The following PARD3B variants were observed in gnomAD, a reference collection of about 807,000 sequenced individuals.
The protein encoded by PARD3B is partitioning defective 3 homolog B.
PARD3B carries 103 observed loss-of-function variants against 130.2 expected under a neutral mutation model. The observed-to-expected ratio is 0.79, with a 90% CI of 0.67 to 0.93. The LOEUF is 0.93. Ranked by LOEUF, PARD3B falls within the 40% of genes least tolerant of loss-of-function variation. PARD3B has a pLI of 0.00. For synonymous variants in PARD3B, 583 were observed against 553.2 expected (o/e 1.05, Z -0.76); for missense variants, 1,609 against 1,499.2 (o/e 1.07, Z -1.21).
At position 205,253,566 on chromosome 2, in the gene PARD3B, C is replaced by A; in HGVS notation, c.2185+7744C>A. 1 of 478,076 alleles carries A rather than the reference C, an allele frequency of 2.1e-6. No individual in the cohort carries two copies. The highest frequency in any genetic ancestry group is 1.6e-5 in the South Asian group (1 of 60,778). 29.6% of individuals were successfully genotyped at this position (478,076 alleles called of 1,614,324 possible). The stretch of plus-strand genomic sequence containing the variant: ...CACAGCCTGGAGCCTCCCCTGCCTC[C>A]TCTGCCTCTTCAGAGCCCAGCAGAA... On this transcript the variant is annotated intron_variant, in intron 16 of 22. Coordinates refer to ENST00000406610, the MANE Select transcript of PARD3B (RefSeq NM_001302769.2). This position sits in a 1 kb window ranked among gnomAD's most constrained non-coding sequence, Gnocchi z 4.4.
intron 10 of PARD3B, among the ~76,000 whole-genome samples, chr2:205,155,258 T>G (rs975979418): frequency 1.3e-5 from 2 of 152,128 alleles, no homozygotes; most frequent in Non-Finnish European, 2.9e-5. Context: ...GTGTCTGCGG[T>G]GTAGATCCAT....
At chr2:204,855,410 C>T (rs1176825362) in intron 2 of PARD3B, among the ~76,000 whole-genome samples, 2 of 151,600 alleles carry the variant, frequency 1.3e-5, no homozygotes, top group African/African-American at 2.4e-5. Context: ...GGTGTGGTAG[C>T]GTGTACCTGT....
intron 2 of PARD3B, among the ~76,000 whole-genome samples, chr2:204,880,995 A>G (rs2046024929): frequency 6.6e-6 from 1 of 152,238 alleles, no homozygotes; most frequent in Non-Finnish European, 1.5e-5. Context: ...CAAGATCACT[A>G]GAATTACCTG....
chr2:205,506,834 A>G (rs1346381550), intron 21 of PARD3B, among the ~76,000 whole-genome samples: 1 of 152,236 alleles, frequency 6.6e-6, no homozygotes, highest in African/African-American at 2.4e-5. Context: ...ACAGAGACCT[A>G]AATCAAACTG....
At chr2:204,667,160 T>G (rs1172332727) in intron 1 of PARD3B, among the ~76,000 whole-genome samples, 1 of 152,128 alleles carries the variant, frequency 6.6e-6, no homozygotes, top group Admixed American at 6.5e-5. Context: ...GGAGTGGTCT[T>G]AAAATTACTG....
chr2:205,050,932 G>T (rs1699147971), intron 4 of PARD3B, among the ~76,000 whole-genome samples: 1 of 152,006 alleles, frequency 6.6e-6, no homozygotes, highest in Non-Finnish European at 1.5e-5. Context: ...CCGTTGTTCT[G>T]GCATAATTAT....
intron 2 of PARD3B, among the ~76,000 whole-genome samples, chr2:204,898,867 T>C (rs769856325): frequency 5.3e-5 from 8 of 152,216 alleles, no homozygotes; most frequent in Non-Finnish European, 1.0e-4. Flanking sequence ...TTTATCATTA[T>C]ATAATGACCT....
intron 1 of PARD3B, among the ~76,000 whole-genome samples, chr2:204,565,432 G>T (rs965050798): frequency 6.6e-6 from 1 of 152,128 alleles, no homozygotes; most frequent in African/African-American, 2.4e-5. Flanking sequence ...TTGTATTCCT[G>T]TGTGATTTAA....
At chr2:204,658,202 TA>T (rs779265493) in intron 1 of PARD3B, among the ~76,000 whole-genome samples, 22 of 151,034 alleles carry the variant, frequency 1.5e-4, no homozygotes, top group South Asian at 2.1e-4. Context: ...GACTAAAAGT[TA>T]AAAAAAAAAT....
In PARD3B at chr2:205,300,467, C is replaced by A. The variant is rs550342991; in HGVS notation, c.2186-63C>A. The A allele has an allele frequency of 2.3e-5, 32 of 1,419,486 alleles. No homozygotes were observed. In the African/African-American group the frequency reaches 2.5e-4, roughly 11 times the overall value. The allele number at this position is 1,419,486 out of a possible 1,614,324, so 87.9% of individuals were successfully genotyped here. On this transcript the variant is annotated intron_variant, in intron 16 of 22. Transcript: ENST00000406610. The surrounding 1 kb of genome is among the most constrained non-coding windows in gnomAD (Gnocchi z 4.1). ...TGTCCAGACAGAAATATTCTTAGAA[C>A]AATAGCATTACACCACACTGCCCCA...
Position 205,104,429 on chromosome 2 carries a change from TC to T in PARD3B, c.510del (p.Thr171ArgfsTer10). On this transcript the variant is annotated frameshift_variant, in exon 5 of 23. Coordinates refer to ENST00000406610, the MANE Select transcript of PARD3B (RefSeq NM_001302769.2). LOFTEE classifies it high-confidence loss of function. ...GQSLKLVVPD[S>X]TQNLEDREVL... is the part of the protein sequence containing the mutation. ...TTATGACTTTGTTTCACTATAGGAT[TC>T]CACGCAGAACTTGGAAGACAGAGAA... 6.3e-7 allele frequency: 1 copy of T among 1,591,784 alleles called. No homozygotes were observed. The highest frequency in any genetic ancestry group is 8.6e-7 in the Non-Finnish European group (1 of 1,160,066).
At chr2:204,880,007 G>A (rs764559966) in intron 2 of PARD3B, among the ~76,000 whole-genome samples, 2 of 152,146 alleles carry the variant, frequency 1.3e-5, no homozygotes, top group African/African-American at 4.8e-5. Flanking sequence ...TTTATTAAGT[G>A]TGAAATAGCT....
chr2:205,583,935 G>T (rs1027582221), intron 22 of PARD3B, among the ~76,000 whole-genome samples: 16 of 152,262 alleles, frequency 1.1e-4, no homozygotes, highest in African/African-American at 3.9e-4. Context: ...GAAAGGAAGG[G>T]GAGGATTTTA....
At chr2:205,587,604 T>G (rs1224902677) in intron 22 of PARD3B, among the ~76,000 whole-genome samples, 4 of 152,224 alleles carry the variant, frequency 2.6e-5, no homozygotes, top group Non-Finnish European at 4.4e-5. Context: ...GGCTTTCCCT[T>G]TCCCTAATGT....
intron 1 of PARD3B, among the ~76,000 whole-genome samples, chr2:204,651,161 C>G (rs1191086194): frequency 6.6e-6 from 1 of 152,146 alleles, no homozygotes. Flanking sequence ...TCCCAATAGT[C>G]CCCCAAAGTC....
chr2:205,600,134 A>G (rs979625062), intron 22 of PARD3B, among the ~76,000 whole-genome samples: 1 of 152,206 alleles, frequency 6.6e-6, no homozygotes. Flanking sequence ...GGAATGGTCC[A>G]TTGGAAAAGG....
At chr2:204,595,519 G>A (rs535629181) in intron 1 of PARD3B, among the ~76,000 whole-genome samples, 1 of 152,306 alleles carries the variant, frequency 6.6e-6, no homozygotes, top group South Asian at 2.1e-4. Flanking sequence ...TGGTGATGAG[G>A]AATGAGGACA....
At chr2:204,833,873 A>G (rs562615244) in intron 2 of PARD3B, among the ~76,000 whole-genome samples, 1 of 152,202 alleles carries the variant, frequency 6.6e-6, no homozygotes, top group Admixed American at 6.5e-5. Context: ...AGGGCCGTTA[A>G]CGTGACCCAC....
intron 2 of PARD3B, among the ~76,000 whole-genome samples, chr2:204,760,255 G>A (rs1408921376): frequency 6.6e-6 from 1 of 152,076 alleles, no homozygotes; most frequent in Admixed American, 6.6e-5. Context: ...ATTAGAAATA[G>A]TGATATGAAG....
Sources: allele counts gnomAD v4.1 joint callset (sites outside exome capture counted in the v4.1 genomes callset), GRCh38; gene constraint gnomAD v4.1.1; non-coding constraint Gnocchi (gnomAD v3.1); transcripts MANE v1.5; gene names NCBI Gene and HGNC (gene_info 2026-07-23, HGNC 2026-07-21).